The following TAS1R1 variants were observed in gnomAD, a reference collection of about 807,000 sequenced individuals.
TAS1R1 encodes the protein taste 1 receptor member 1, also known as taste receptor type 1 member 1.
In TAS1R1, 31 loss-of-function variants were observed where a neutral mutation model predicts 45.8. The ratio of observed to expected loss-of-function variants is 0.68; its 90% CI spans 0.51 to 0.91. TAS1R1 has a LOEUF of 0.91. Among genes scored for constraint, TAS1R1 ranks in the 40% least tolerant of loss-of-function variants. TAS1R1 has a pLI of 0.00. For missense variants in TAS1R1, 1,051 were observed against 1,063.9 expected, an observed-to-expected ratio of 0.99 and a Z score of 0.17; for synonymous variants, 437 against 448.4, an observed-to-expected ratio of 0.97 and a Z score of 0.32.
At chr1:6,563,757 A>G (rs913487047) in intron 1 of TAS1R1, among the ~76,000 whole-genome samples, 51 of 152,258 alleles carry the variant, frequency 3.3e-4, no homozygotes, top group African/African-American at 1.2e-3. Flanking sequence ...GGAGCGGTAG[A>G]TAGGCAAAGA....
chr1:6,556,732 C>T (rs1019580682), intron 1 of TAS1R1, among the ~76,000 whole-genome samples: 4 of 151,908 alleles, frequency 2.6e-5, no homozygotes, highest in East Asian at 2.0e-4. Flanking sequence ...CAGTTGCAGC[C>T]GAGCACAGTG....
rs150390485 is a variant in TAS1R1, at chr1:6,574,990, C to T, written c.858C>T (p.Ser286=). Residue 286 remains serine (S), a synonymous_variant, in exon 3 of 6, where the codon TCC becomes TCT. Transcript: ENST00000333172. This position sits in a 1 kb window ranked among gnomAD's most constrained non-coding sequence, Gnocchi z 4.3. ...SRQLARVFFE[S]VVLTNLTGKV... The stretch of plus-strand genomic sequence containing the variant: ...AGTTGGCCAGGGTGTTTTTCGAGTC[C>T]GTGGTGCTGACCAACCTGACTGGCA... 3.9e-4 allele frequency: 625 copies of T among 1,598,838 alleles called. 6 individuals are homozygous for T. The African/African-American group carries it at 4.9e-3, about 12-fold the overall frequency.
chr1:6,576,905 C>A (rs545021281), intron 4 of TAS1R1, 45 bp from the exon 5 acceptor site: 1 of 1,613,832 alleles, frequency 6.2e-7, no homozygotes, highest in Admixed American at 1.7e-5. Flanking sequence ...TGTGAGCTGT[C>A]CTTTGACTTG....
Position 6,574,748 on chromosome 1 carries a change from T to C in TAS1R1, c.616T>C (p.Phe206Leu), listed in dbSNP as rs1334478917. ...GACCATGGTGCTGCTGCTGCAGAAG[T>C]TCGGGTGGACCTGGATCTCTCTGGT... ...VETMVLLLQK[F>L]GWTWISLVGS... is the part of the protein sequence containing the mutation. The change falls in exon 3 of 6, where the codon TTC becomes CTC. Residue 206 changes from phenylalanine to leucine, a missense_variant. By Grantham distance (22) the Phe-to-Leu change is conservative. Transcript: ENST00000333172. This position sits in a 1 kb window ranked among gnomAD's most constrained non-coding sequence, Gnocchi z 4.3. 1 of 1,614,232 alleles carries C rather than the reference T, an allele frequency of 6.2e-7. No individual in the cohort carries two copies. Among genetic ancestry groups the C allele is most frequent in the Non-Finnish European group, 8.5e-7 (1 of 1,180,044 alleles).
chr1:6,555,687 T>C (rs1639664158), intron 1 of TAS1R1, 123 bp downstream of exon 1: 1 of 921,936 alleles, frequency 1.1e-6, no homozygotes, highest in South Asian at 1.8e-5. Context: ...CCAGGCCTTG[T>C]TCATCAATCC....
At chr1:6,570,617 A>G (rs148017904) in intron 1 of TAS1R1, among the ~76,000 whole-genome samples, 1 of 152,218 alleles carries the variant, frequency 6.6e-6, no homozygotes, top group East Asian at 1.9e-4. Context: ...ATGTGAACCA[A>G]TTCCTTAAAC....
At position 6,574,552 on chromosome 1, in the gene TAS1R1, A is replaced by G. The variant is rs1640105280; in HGVS notation, c.499-79A>G. 1 of 1,504,452 alleles carries G rather than the reference A, an allele frequency of 6.6e-7. No individual in the cohort carries two copies. The highest frequency in any genetic ancestry group is 2.1e-5 in the Admixed American group (1 of 46,682). 93.2% of individuals were successfully genotyped at this position (1,504,452 alleles called of 1,614,324 possible). A position where few individuals can be genotyped will look rare whatever the true frequency, so the allele number is the denominator to read the frequency against. On this transcript the variant is annotated intron_variant, in intron 2 of 5. Coordinates refer to ENST00000333172, the MANE Select transcript of TAS1R1 (RefSeq NM_138697.4). The surrounding 1 kb of genome is among the most constrained non-coding windows in gnomAD (Gnocchi z 4.3). ...TCTCCTGGTCTCCCCGGCTCCCTGT[A>G]TCCCCACACCCAGCACAGGGCCAGG...
At chr1:6,563,704 T>C (rs984529804) in intron 1 of TAS1R1, among the ~76,000 whole-genome samples, 1 of 151,904 alleles carries the variant, frequency 6.6e-6, no homozygotes, top group Non-Finnish European at 1.5e-5. Flanking sequence ...CTGGGTACTA[T>C]TGGAAAGGGG....
chr1:6,569,806 A>G (rs1232605250), intron 1 of TAS1R1, among the ~76,000 whole-genome samples: 1 of 152,154 alleles, frequency 6.6e-6, no homozygotes, highest in South Asian at 2.1e-4. Flanking sequence ...TCGGGAATTC[A>G]GAGACGGTCA....
Position 6,578,948 on chromosome 1 carries a change from G to C in TAS1R1, c.1890G>C (p.Ala630=). ...YGFFGEPTRP[A]CLLRQALFAL... ...TCTTTGGGGAACCCACAAGGCCTGC[G>C]TGCTTGCTACGCCAGGCCCTCTTTG... The change falls in exon 6 of 6, where the codon GCG becomes GCC. Residue 630 remains alanine, a synonymous_variant. Coordinates refer to ENST00000333172, the MANE Select transcript of TAS1R1 (RefSeq NM_138697.4). The C allele has an allele frequency of 2.5e-6, 4 of 1,614,070 alleles. No homozygotes were observed. The highest frequency in any genetic ancestry group is 3.4e-6 in the Non-Finnish European group (4 of 1,179,960).
intron 1 of TAS1R1, among the ~76,000 whole-genome samples, chr1:6,566,883 C>T (rs907151333): frequency 1.1e-4 from 16 of 152,108 alleles, no homozygotes; most frequent in African/African-American, 3.1e-4. Context: ...GCGTGAGCCA[C>T]GCGCCTGGCC....
chr1:6,568,386 C>T (rs1032116942), intron 1 of TAS1R1, among the ~76,000 whole-genome samples: 2 of 149,930 alleles, frequency 1.3e-5, no homozygotes, highest in East Asian at 2.0e-4. Context: ...ACCCGGGAGG[C>T]GGAGCTTGCA....
At chr1:6,565,471 C>T (rs1639857733) in intron 1 of TAS1R1, among the ~76,000 whole-genome samples, 3 of 152,034 alleles carry the variant, frequency 2.0e-5, no homozygotes, top group East Asian at 1.9e-4. Flanking sequence ...AGGTAAGCTA[C>T]AGGAGCAAAA....
At position 6,576,473 on chromosome 1, in the gene TAS1R1, A is replaced by G; in HGVS notation, c.1319A>G (p.Asn440Ser). 6.2e-7 allele frequency: 1 copy of G among 1,614,246 alleles called. No homozygotes were observed. Among genetic ancestry groups the G allele is most frequent in the East Asian group, 2.2e-5 (1 of 44,896 alleles). The change falls in exon 4 of 6, where the codon AAT becomes AGT. Residue 440 changes from asparagine to serine, a missense_variant. Coordinates refer to ENST00000333172, the MANE Select transcript of TAS1R1 (RefSeq NM_138697.4). ...FLLHKDTVAF[N>S]DNRDPLSSYN... ...CTACACAAGGACACTGTGGCGTTTAATGACAACAGAGATCCCCTCAGTAGC... is the reference window on the plus strand; with the variant it reads ...CTACACAAGGACACTGTGGCGTTTAGTGACAACAGAGATCCCCTCAGTAGC...
intron 1 of TAS1R1, among the ~76,000 whole-genome samples, chr1:6,556,004 T>C (rs1441733608): frequency 2.6e-5 from 4 of 151,096 alleles, no homozygotes; most frequent in African/African-American, 9.7e-5. Context: ...CCCGAGTAGC[T>C]GGGACTACAG....
At chr1:6,560,624 C>T (rs1355129472) in intron 1 of TAS1R1, among the ~76,000 whole-genome samples, 1 of 152,184 alleles carries the variant, frequency 6.6e-6, no homozygotes, top group East Asian at 1.9e-4. Flanking sequence ...GGGTCCCTAA[C>T]ATTCCATCCT....
rs1640003401 is a variant in TAS1R1 at position 6,571,131 on chromosome 1, T to G, written c.414T>G (p.Pro138=). The change falls in exon 2 of 6, where the codon CCT becomes CCG. Residue 138 remains proline (P), a synonymous_variant. Coordinates refer to ENST00000333172, the MANE Select transcript of TAS1R1 (RefSeq NM_138697.4). ...AAGGAGACCTTCTCCACTATTCCCC[T>G]ACGGTGCTGGCAGTGATTGGGCCTG... is the stretch of plus-strand genomic sequence containing the variant. ...ELQGDLLHYS[P]TVLAVIGPDS... is the part of the protein sequence containing the mutation. 6.2e-7 allele frequency: 1 copy of G among 1,613,014 alleles called. No homozygotes were observed. Among genetic ancestry groups the G allele is most frequent in the Non-Finnish European group, 8.5e-7 (1 of 1,179,470 alleles).
In TAS1R1 at chr1:6,572,805, CCT is replaced by C. The variant is rs544910585; in HGVS notation, c.498+1591_498+1592del. Among the ~76,000 whole-genome samples, 8 of 152,256 alleles carry C rather than the reference CCT, an allele frequency of 5.3e-5. No individual in the cohort carries two copies. The East Asian group carries it at 1.5e-3, about 29-fold the overall frequency. ...AGTCCCCTCCCCTCTGATCTGAGCC[CCT>C]GATGCTGGCCCAACATTGCCACATC... On this transcript the variant is annotated intron_variant, in intron 2 of 5. Transcript: ENST00000333172.
chr1:6,563,073 G>C (rs187174972), intron 1 of TAS1R1, among the ~76,000 whole-genome samples: 3 of 152,312 alleles, frequency 2.0e-5, no homozygotes, highest in Admixed American at 6.5e-5. Context: ...GAGCTGTGCT[G>C]CAAGAGGCCC....
Sources: gnomAD v4.1 joint callset for allele counts (sites outside exome capture counted in the v4.1 genomes callset) on GRCh38, gnomAD v4.1.1 for gene constraint, Gnocchi (gnomAD v3.1) non-coding constraint, MANE v1.5 for transcripts, NCBI Gene and HGNC (gene_info 2026-07-23, HGNC 2026-07-21) for gene names.